ARSD: variants seen among roughly 807,000 people sequenced by gnomAD.
The protein encoded by ARSD is testis tissue sperm-binding protein Li 39a.
ARSD carries 21 observed loss-of-function variants against 32.6 expected under a neutral mutation model. That is an observed-to-expected ratio of 0.64 (90% CI 0.46 to 0.93). ARSD has a LOEUF of 0.93. Among genes scored for constraint, ARSD ranks in the 40% least tolerant of loss-of-function variants. ARSD has a pLI of 0.00. For synonymous variants in ARSD, 224 were observed against 237.4 expected (o/e 0.94, Z 0.52); for missense variants, 454 against 520.9 (o/e 0.87, Z 1.25).
chrX:2,917,762 C>T lies in ARSD; in HGVS notation c.863+42G>A, dbSNP rs759069351. The T allele has an allele frequency of 8.7e-6, 10 of 1,153,991 alleles. No individual in the cohort carries two copies. In the South Asian group the frequency reaches 1.6e-4, roughly 19 times the overall value. On this transcript the variant is annotated intron_variant, in intron 5 of 9. Coordinates refer to ENST00000381154, the MANE Select transcript of ARSD (RefSeq NM_001669.4). ...CTAGGATGACAGGCATGAGCCATCGCGTCCGGCCCCATCTCCTCTTTAAGA... is the reference window on the plus strand; with the variant it reads ...CTAGGATGACAGGCATGAGCCATCGTGTCCGGCCCCATCTCCTCTTTAAGA...
chrX:2,918,000 A>T lies in ARSD; in HGVS notation c.667T>A (p.Phe223Ile), dbSNP rs67272620. 29 of 1,208,170 alleles carry T rather than the reference A, an allele frequency of 2.4e-5. No homozygotes were observed. The highest frequency in any genetic ancestry group is 7.1e-5 in the South Asian group (4 of 56,314). ...GTGACTGCTCTCGCGGAGACAGAGAAGAAACCGCAGGTCTGGCCGGCAGCC... is the reference window on the plus strand; with the variant it reads ...GTGACTGCTCTCGCGGAGACAGAGATGAAACCGCAGGTCTGGCCGGCAGCC... ...TLAAGQTCGF[F>I]SVSARAVTGM... Residue 223 changes from phenylalanine (F) to isoleucine (I), a missense_variant, in exon 5 of 10, where the codon TTC becomes ATC. By Grantham distance (21) the Phe-to-Ile change is conservative. Around this residue, in one of 3 missense-constraint regions of ARSD, gnomAD observed 271 missense variants for 301.0 expected, o/e 0.90. Transcript: ENST00000381154.
At chrX:2,908,654 C>T (rs1375980149) in intron 9 of ARSD, 67 bp downstream of exon 9, 1 of 1,067,348 alleles carries the variant, frequency 9.4e-7, no homozygotes, top group East Asian at 3.2e-5. Flanking sequence ...ATCCATCCAT[C>T]CACATATCCA....
chrX:2,919,047 G>A (rs1232709190), intron 4 of ARSD, among the ~76,000 whole-genome samples: 1 of 110,916 alleles, frequency 9.0e-6, no homozygotes, highest in Admixed American at 9.6e-5. Flanking sequence ...AACCCAGGAG[G>A]TGGAGGCTGC....
intron 9 of ARSD, among the ~76,000 whole-genome samples, chrX:2,908,215 G>C (rs1437011037): frequency 9.3e-6 from 1 of 107,545 alleles, no homozygotes. Context: ...ATCCATCCAT[G>C]AACTGATTCT....
rs1166333252 is a variant in ARSD, at chrX:2,905,056, G to T, written c.*2215C>A. The stretch of plus-strand genomic sequence containing the variant: ...GGCTTCAGGTTGAGTTCAGCCAACA[G>T]ATGCCCCTGTAGGATTTGGACACAG... On this transcript the variant is annotated 3_prime_UTR_variant, in exon 10 of 10. Transcript: ENST00000381154. 2.7e-5 allele frequency: 9 copies of T among 338,857 alleles called. No individual in the cohort carries two copies. Among genetic ancestry groups the T allele is most frequent in the Non-Finnish European group, 4.1e-5 (7 of 169,609 alleles). 27.9% of individuals were successfully genotyped at this position (338,857 alleles called of 1,213,427 possible).
intron 9 of ARSD, 133 bp downstream of exon 9, chrX:2,908,588 C>A: frequency 2.1e-6 from 1 of 475,106 alleles, no homozygotes. Context: ...ATCTCTATTT[C>A]TATAGCTATC....
intron 3 of ARSD, among the ~76,000 whole-genome samples, chrX:2,921,424 AATC>A (rs1466599460): frequency 1.8e-5 from 2 of 112,053 alleles, no homozygotes; most frequent in Admixed American, 9.4e-5. Context: ...TCTAGCTATC[AATC>A]ATCTATCACG....
intron 3 of ARSD, among the ~76,000 whole-genome samples, chrX:2,921,030 T>A (rs1209049451): frequency 9.0e-6 from 1 of 111,577 alleles, no homozygotes; most frequent in Non-Finnish European, 1.9e-5. Flanking sequence ...GTGCTACTCG[T>A]ATCGGGTGCG....
chrX:2,913,665 C>G (rs755257957), intron 6 of ARSD: 1 of 985,147 alleles, frequency 1.0e-6, no homozygotes, highest in African/African-American at 2.0e-5. Flanking sequence ...CTGCATTGTC[C>G]GAACTTTATT....
chrX:2,924,388 C>T (rs1482814384), intron 2 of ARSD, among the ~76,000 whole-genome samples: 3 of 113,587 alleles, frequency 2.6e-5, no homozygotes, highest in African/African-American at 9.6e-5. Flanking sequence ...GAAGGGAGGC[C>T]CTGCTCTGCG....
chrX:2,914,246 T>C, intron 6 of ARSD: 3 of 729,970 alleles, frequency 4.1e-6, no homozygotes, highest in Non-Finnish European at 4.9e-6. Context: ...TTTTTTTTTT[T>C]GGAGACAGGG....
Position 2,908,626 on chromosome X carries a change from CCATT to C in ARSD, c.1420+91_1420+94del, listed in dbSNP as rs1382380049. 88 of 890,126 alleles carry C rather than the reference CCATT, an allele frequency of 9.9e-5. No individual in the cohort carries two copies. The African/African-American group carries it at 1.6e-3, about 16-fold the overall frequency. The allele number at this position is 890,126 out of a possible 1,213,427, so 73.4% of individuals were successfully genotyped here. A position where few individuals can be genotyped will look rare whatever the true frequency, so the allele number is the denominator to read the frequency against. On this transcript the variant is annotated intron_variant, in intron 9 of 9. Coordinates refer to ENST00000381154, the MANE Select transcript of ARSD (RefSeq NM_001669.4). Reference sequence around the variant, plus strand: ...TCCATCCACCCATCCATCCATCCATCCATTCATCCATCCATCCATCCATCCATCC... The same window carrying C: ...TCCATCCACCCATCCATCCATCCATCCATCCATCCATCCATCCATCCATCC...
intron 6 of ARSD, 57 bp downstream of exon 6, chrX:2,915,499 C>G: frequency 1.7e-6 from 2 of 1,201,709 alleles, no homozygotes; most frequent in Non-Finnish European, 2.2e-6. Context: ...TCTGTTACGC[C>G]CTATGTTCAA....
In ARSD at chrX:2,909,876, G is replaced by T. The variant is rs2088887720; in HGVS notation, c.1239C>A (p.Ser413Arg). 2 of 1,210,535 alleles carry T rather than the reference G, an allele frequency of 1.7e-6. No homozygotes were observed. Among genetic ancestry groups the T allele is most frequent in the Non-Finnish European group, 2.2e-6 (2 of 895,158 alleles). The change falls in exon 8 of 10, where the codon AGC becomes AGA. Residue 413 changes from serine (S) to arginine (R), a missense_variant. Physicochemically the swap from Ser to Arg is moderately radical, Grantham distance 110 (BLOSUM62 -1). This residue lies in a region of ARSD where 179 missense variants were observed against 198.5 expected (regional missense o/e 0.90). Coordinates refer to ENST00000381154, the MANE Select transcript of ARSD (RefSeq NM_001669.4). ...CCACAGTAGGGAACACGTCCATCAGGCTCGTGGGCTCTCCAATCACTCGGC... is the reference window on the plus strand; with the variant it reads ...CCACAGTAGGGAACACGTCCATCAGTCTCGTGGGCTCTCCAATCACTCGGC... ...PAGRVIGEPT[S>R]LMDVFPTVVQ...
At chrX:2,927,028 G>C (rs890082609) in intron 1 of ARSD, among the ~76,000 whole-genome samples, 4 of 107,910 alleles carry the variant, frequency 3.7e-5, no homozygotes, top group African/African-American at 1.0e-4. Context: ...CGGCTCTACT[G>C]GGGGGCAGGG....
At chrX:2,915,311 C>T (rs5982615) in intron 6 of ARSD, among the ~76,000 whole-genome samples, 11,095 of 111,094 alleles carry the variant, frequency 0.1, 622 homozygotes, top group East Asian at 0.49. Flanking sequence ...TGCACCACCA[C>T]ACCGGGTTAG....
At chrX:2,920,260 A>G in intron 4 of ARSD, 4 of 230,642 alleles carry the variant, frequency 1.7e-5, no homozygotes, top group Non-Finnish European at 3.1e-5. Flanking sequence ...AGAAGAAAAA[A>G]AAACTCATGA....
At chrX:2,913,672 T>C (rs2088922283) in intron 6 of ARSD, 5 of 984,143 alleles carry the variant, frequency 5.1e-6, no homozygotes, top group Non-Finnish European at 6.6e-6. Flanking sequence ...GTCCGAACTT[T>C]ATTGCTTTAG....
At position 2,906,208 on chromosome X, in the gene ARSD, G is replaced by A. The variant is rs1217724936; in HGVS notation, c.*1063C>T. On this transcript the variant is annotated 3_prime_UTR_variant, in exon 10 of 10. Coordinates refer to ENST00000381154, the MANE Select transcript of ARSD (RefSeq NM_001669.4). Reference sequence around the variant, plus strand: ...CCCGGAGTGCAGTAGTGCAATCTTAGCTCATTGCAGTTTTGACCTCCCAGG... The same window carrying A: ...CCCGGAGTGCAGTAGTGCAATCTTAACTCATTGCAGTTTTGACCTCCCAGG... The A allele has an allele frequency of 9.3e-6, 1 of 107,532 alleles. No homozygotes were observed. The highest frequency in any genetic ancestry group is 3.5e-5 in the African/African-American group (1 of 28,960). 8.9% of individuals were successfully genotyped at this position (107,532 alleles called of 1,213,427 possible).
Sources: gnomAD v4.1 joint callset for allele counts (sites outside exome capture counted in the v4.1 genomes callset) on GRCh38, gnomAD v4.1.1 for gene constraint, gnomAD v4.1.1 regional missense constraint, MANE v1.5 for transcripts, NCBI Gene and HGNC (gene_info 2026-07-23, HGNC 2026-07-21) for gene names.